C7orf78: variants seen among roughly 807,000 people sequenced by gnomAD.
C7orf78 encodes chromosome 7 open reading frame 78.
the C7orf78 span, chr7:12,525,890 A>G: frequency 5.0e-6 from 2 of 397,134 alleles, no homozygotes; most frequent in Non-Finnish European, 4.4e-6. Context: ...TTTAAATCAC[A>G]ACACTTAAGT....
chr7:12,534,078 A>G, the C7orf78 span, among the ~76,000 whole-genome samples: 1 of 152,218 alleles, frequency 6.6e-6, no homozygotes, highest in Non-Finnish European at 1.5e-5. Context: ...GGTTCAAATA[A>G]AATGGCTTTA....
At chr7:12,498,747 C>T in the C7orf78 span, among the ~76,000 whole-genome samples, 1 of 149,524 alleles carries the variant, frequency 6.7e-6, no homozygotes, top group Non-Finnish European at 1.5e-5. Context: ...CGCAAAGATA[C>T]TCCTCGAGAA....
chr7:12,491,926 C>T, the C7orf78 span: 8 of 152,200 alleles, frequency 5.3e-5, no homozygotes, highest in African/African-American at 1.9e-4. Flanking sequence ...CCTCTGGCCA[C>T]TCGGTTATAA....
At chr7:12,531,244 G>A in the C7orf78 span, among the ~76,000 whole-genome samples, 1 of 152,182 alleles carries the variant, frequency 6.6e-6, no homozygotes, top group Admixed American at 6.5e-5. Context: ...GTGCTTAACT[G>A]TTTTAAGTGG....
At chr7:12,511,783 G>T in the C7orf78 span, among the ~76,000 whole-genome samples, 1 of 151,636 alleles carries the variant, frequency 6.6e-6, no homozygotes, top group Non-Finnish European at 1.5e-5. Context: ...ATGGAGTCTT[G>T]CTCTGTCGCC....
the C7orf78 span, among the ~76,000 whole-genome samples, chr7:12,501,754 A>T: frequency 1.7e-3 from 256 of 148,520 alleles, 1 homozygote; most frequent in Admixed American, 3.0e-3. Flanking sequence ...ATGGAACCAA[A>T]AAAGAGCCCA....
At chr7:12,494,954 G>A in the C7orf78 span, among the ~76,000 whole-genome samples, 2 of 152,128 alleles carry the variant, frequency 1.3e-5, no homozygotes, top group Non-Finnish European at 1.5e-5. Flanking sequence ...ACACCTCCAC[G>A]CACAGTTGAC....
At chr7:12,532,320 TG>T in the C7orf78 span, among the ~76,000 whole-genome samples, 1 of 151,996 alleles carries the variant, frequency 6.6e-6, no homozygotes, top group Non-Finnish European at 1.5e-5. Context: ...GAGGTCAAGG[TG>T]GGTGAATCAC....
At chr7:12,508,336 G>A in the C7orf78 span, among the ~76,000 whole-genome samples, 7 of 151,890 alleles carry the variant, frequency 4.6e-5, no homozygotes, top group Non-Finnish European at 1.0e-4. Flanking sequence ...AATGGCTCAA[G>A]TTTCTAAGTT....
At chr7:12,517,831 C>T in the C7orf78 span, among the ~76,000 whole-genome samples, 4 of 152,002 alleles carry the variant, frequency 2.6e-5, no homozygotes, top group Non-Finnish European at 5.9e-5. Context: ...TCTCCTGTAT[C>T]TTGCTGAGCT....
At chr7:12,537,594 A>AC in the C7orf78 span, among the ~76,000 whole-genome samples, 2 of 152,220 alleles carry the variant, frequency 1.3e-5, no homozygotes, top group Non-Finnish European at 2.9e-5. Context: ...CATACATATA[A>AC]CCTATGACAC....
At chr7:12,535,066 T>C in the C7orf78 span, among the ~76,000 whole-genome samples, 4 of 152,036 alleles carry the variant, frequency 2.6e-5, no homozygotes, top group Admixed American at 2.6e-4. Flanking sequence ...AACATGAAAA[T>C]GTGTTCATCT....
At chr7:12,487,436 T>G in the C7orf78 span, among the ~76,000 whole-genome samples, 1 of 152,102 alleles carries the variant, frequency 6.6e-6, no homozygotes, top group Non-Finnish European at 1.5e-5. Flanking sequence ...GTTTCTCCAG[T>G]GCCTGGCGTC....
the C7orf78 span, among the ~76,000 whole-genome samples, chr7:12,525,443 A>G: frequency 6.6e-6 from 1 of 152,156 alleles, no homozygotes; most frequent in South Asian, 2.1e-4. Context: ...TCTATGTGTC[A>G]TAAATTACAA....
At chr7:12,494,768 G>A in the C7orf78 span, among the ~76,000 whole-genome samples, 1 of 152,132 alleles carries the variant, frequency 6.6e-6, no homozygotes, top group Non-Finnish European at 1.5e-5. Flanking sequence ...CTCACCTTTG[G>A]CTGCCTCATC....
the C7orf78 span, among the ~76,000 whole-genome samples, chr7:12,540,212 C>A: frequency 1.3e-5 from 2 of 152,158 alleles, no homozygotes; most frequent in African/African-American, 4.8e-5. Context: ...ACAGGAAACA[C>A]ATCCCATTTC....
At chr7:12,535,826 A>T in the C7orf78 span, among the ~76,000 whole-genome samples, 6 of 152,232 alleles carry the variant, frequency 3.9e-5, no homozygotes, top group Non-Finnish European at 8.8e-5. Flanking sequence ...TCCGAAATGC[A>T]GCACAGCAGT....
chr7:12,488,820 G>A, the C7orf78 span, among the ~76,000 whole-genome samples: 1 of 151,858 alleles, frequency 6.6e-6, no homozygotes, highest in South Asian at 2.1e-4. Context: ...TTGTAAGAAA[G>A]TGCAATTTTA....
chr7:12,509,282 G>A, the C7orf78 span, among the ~76,000 whole-genome samples: 1 of 152,154 alleles, frequency 6.6e-6, no homozygotes. Context: ...TGACCCTCTA[G>A]GATAATTGCT....
Sources: gnomAD v4.1 joint callset for allele counts (sites outside exome capture counted in the v4.1 genomes callset) on GRCh38, gnomAD v4.1.1 for gene constraint, MANE v1.5 for transcripts, NCBI Gene and HGNC (gene_info 2026-07-23, HGNC 2026-07-21) for gene names.